Variants in NGEF observed in about 807,000 individuals in gnomAD.
The protein encoded by NGEF is ephexin-1.
Under a neutral mutation model 80.9 loss-of-function variants are expected in NGEF, and 31 were observed. The observed-to-expected ratio is 0.38, with a 90% CI of 0.29 to 0.52. The LOEUF is 0.52. NGEF is among the 20% of genes least tolerant of loss of function. The pLI, the probability that NGEF is intolerant of heterozygous loss-of-function variation, is 0.84. For synonymous variants in NGEF, 371 were observed against 370.2 expected, an observed-to-expected ratio of 1.00 and a Z score of -0.03; for missense variants, 709 against 926.2, an observed-to-expected ratio of 0.77 and a Z score of 3.04.
intron 3 of NGEF, among the ~76,000 whole-genome samples, chr2:232,967,940 T>C (rs1409580231): frequency 6.6e-6 from 1 of 152,082 alleles, no homozygotes; most frequent in African/African-American, 2.4e-5. Context: ...GGCATTAGGT[T>C]TTGCCACAGT....
intron 1 of NGEF, among the ~76,000 whole-genome samples, chr2:232,978,438 C>T (rs1029309473): frequency 3.3e-5 from 5 of 152,148 alleles, no homozygotes; most frequent in Non-Finnish European, 7.3e-5. Context: ...TCGCTTGAAA[C>T]GGGAAGGCAT....
At chr2:232,934,589 C>A (rs1001570861) in intron 3 of NGEF, among the ~76,000 whole-genome samples, 5 of 152,170 alleles carry the variant, frequency 3.3e-5, no homozygotes, top group African/African-American at 1.2e-4. Flanking sequence ...GCTTATTAGG[C>A]AGGCTGCTAT....
At chr2:233,001,883 C>A (rs1047285205) in intron 1 of NGEF, among the ~76,000 whole-genome samples, 2 of 152,096 alleles carry the variant, frequency 1.3e-5, no homozygotes, top group African/African-American at 2.4e-5. Flanking sequence ...GTTGTGGTGG[C>A]GTGCACCTGT....
At chr2:232,959,470 A>G (rs1163064804) in intron 3 of NGEF, among the ~76,000 whole-genome samples, 1 of 152,212 alleles carries the variant, frequency 6.6e-6, no homozygotes, top group Non-Finnish European at 1.5e-5. Context: ...TCATAGAAAT[A>G]CATACAAGGA....
intron 3 of NGEF, among the ~76,000 whole-genome samples, chr2:232,945,007 C>T (rs1693526508): frequency 2.0e-5 from 3 of 151,912 alleles, no homozygotes; most frequent in African/African-American, 7.3e-5. Context: ...CCATCTTGGC[C>T]TCTTAAAGTG....
intron 3 of NGEF, among the ~76,000 whole-genome samples, chr2:232,966,913 G>GTAGA (rs1461775510): frequency 6.6e-6 from 1 of 152,120 alleles, no homozygotes; most frequent in Non-Finnish European, 1.5e-5. Flanking sequence ...TGTGTCCCAG[G>GTAGA]TAGATGGTCA....
chr2:232,921,236 G>A (rs989259656), intron 4 of NGEF, among the ~76,000 whole-genome samples: 4 of 152,158 alleles, frequency 2.6e-5, no homozygotes, highest in South Asian at 2.1e-4. Flanking sequence ...TGATGTCCTG[G>A]CCTTGGGACA....
In NGEF at chr2:232,882,233, G is replaced by A. The variant is rs1425270066; in HGVS notation, c.1790C>T (p.Ala597Val). 1.2e-6 allele frequency: 2 copies of A among 1,613,640 alleles called. No individual in the cohort carries two copies. Among genetic ancestry groups the A allele is most frequent in the Non-Finnish European group, 1.7e-6 (2 of 1,179,924 alleles). ...SEMKRWMTSLAPNRRTKFVSF... is the reference protein window; with the variant it reads ...SEMKRWMTSLVPNRRTKFVSF... ...AACAAACTTGGTCCTCCTGTTGGGG[G>A]CCAGTGAGGTCATCCAACGCTTCAT... is the stretch of plus-strand genomic sequence containing the variant. The change falls in exon 13 of 15, where the codon GCC (alanine) becomes GTC (valine). Residue 597 changes from alanine (A) to valine (V), a missense_variant. Physicochemically the swap from Ala to Val is moderately conservative, Grantham distance 64. Coordinates refer to ENST00000264051, the MANE Select transcript of NGEF (RefSeq NM_019850.3).
At chr2:233,005,146 G>A (rs1695059893) in intron 1 of NGEF, among the ~76,000 whole-genome samples, 1 of 152,178 alleles carries the variant, frequency 6.6e-6, no homozygotes, top group Admixed American at 6.5e-5. Context: ...GCATGGATCA[G>A]CACCAACACA....
intron 1 of NGEF, among the ~76,000 whole-genome samples, chr2:233,000,565 G>A (rs899095609): frequency 1.3e-5 from 2 of 152,048 alleles, no homozygotes; most frequent in African/African-American, 4.8e-5. Flanking sequence ...AGACCATCCT[G>A]GCTAACACGG....
At chr2:233,000,287 G>A (rs548805309) in intron 1 of NGEF, among the ~76,000 whole-genome samples, 1 of 152,248 alleles carries the variant, frequency 6.6e-6, no homozygotes, top group African/African-American at 2.4e-5. Flanking sequence ...TTGTAGAGAT[G>A]GGGTTTTGCC....
intron 1 of NGEF, 119 bp from the exon 2 acceptor site, chr2:232,975,083 T>G (rs1401192679): frequency 1.7e-6 from 1 of 586,196 alleles, no homozygotes; most frequent in Non-Finnish European, 2.9e-6. Context: ...CACATCCTGG[T>G]ATCCACGTCT....
At chr2:232,954,284 T>A (rs1693744838) in intron 3 of NGEF, among the ~76,000 whole-genome samples, 1 of 152,212 alleles carries the variant, frequency 6.6e-6, no homozygotes, top group African/African-American at 2.4e-5. Flanking sequence ...CATTCATTCA[T>A]TAACTGTCTT....
intron 1 of NGEF, 71 bp downstream of exon 1, chr2:233,012,997 G>A (rs570915987): frequency 8.0e-5 from 37 of 460,312 alleles, no homozygotes; most frequent in South Asian, 4.9e-4. Context: ...CTGTCCTAGC[G>A]GTAGCCTCTG....
intron 3 of NGEF, among the ~76,000 whole-genome samples, chr2:232,936,646 A>G (rs778347): frequency 0.26 from 38,881 of 152,156 alleles, 5,360 homozygotes; most frequent in Non-Finnish European, 0.31. Flanking sequence ...CACGCATGTT[A>G]TCACACATTA....
chr2:232,911,476 T>C (rs1692689839), intron 5 of NGEF, among the ~76,000 whole-genome samples: 1 of 152,216 alleles, frequency 6.6e-6, no homozygotes, highest in East Asian at 1.9e-4. Flanking sequence ...TGAAAACTGT[T>C]CAGGGCTATT....
At chr2:232,907,779 C>G (rs750147253) in intron 5 of NGEF, among the ~76,000 whole-genome samples, 2 of 152,104 alleles carry the variant, frequency 1.3e-5, no homozygotes, top group African/African-American at 4.8e-5. Context: ...CTTGAACATT[C>G]ACGTTACTCA....
chr2:232,906,418 T>G (rs1313432791), intron 5 of NGEF, among the ~76,000 whole-genome samples: 1 of 93,436 alleles, frequency 1.1e-5, no homozygotes, highest in African/African-American at 4.1e-5. Flanking sequence ...CCCCGCCCGG[T>G]CAGCCACCCC....
intron 5 of NGEF, among the ~76,000 whole-genome samples, chr2:232,915,578 A>G (rs1692781694): frequency 6.6e-6 from 1 of 152,108 alleles, no homozygotes. Flanking sequence ...AAATCTTTTC[A>G]TCCAACCTAA....
Sources: allele counts gnomAD v4.1 joint callset (sites outside exome capture counted in the v4.1 genomes callset), GRCh38; gene constraint gnomAD v4.1.1; transcripts MANE v1.5; gene names NCBI Gene and HGNC (gene_info 2026-07-23, HGNC 2026-07-21).